SLC2A9: variants seen among roughly 807,000 people sequenced by gnomAD.
SLC2A9 encodes the protein solute carrier family 2, facilitated glucose transporter member 9.
SLC2A9 carries 39 observed loss-of-function variants against 50.6 expected under a neutral mutation model. That is an observed-to-expected ratio of 0.77 (90% CI 0.60 to 1.01). SLC2A9 has a LOEUF of 1.01. Ranked by LOEUF, SLC2A9 falls within the 50% of genes least tolerant of loss-of-function variation. The pLI is 0.00. For missense variants in SLC2A9, 686 were observed against 677.6 expected (o/e 1.01, Z -0.14); for synonymous variants, 324 against 276.9 (o/e 1.17, Z -1.69).
At chr4:9,784,157 A>AGG in intron 3 of SLC2A9, 1 of 153,914 alleles carries the variant, frequency 6.5e-6, no homozygotes, top group Non-Finnish European at 1.5e-5. Flanking sequence ...TTAAAGATAC[A>AGG]CCAGGGCAAA....
At chr4:9,994,405 C>G (rs750368921) in intron 3 of SLC2A9, among the ~76,000 whole-genome samples, 26 of 152,160 alleles carry the variant, frequency 1.7e-4, no homozygotes, top group Admixed American at 6.5e-5. Flanking sequence ...AACTTTTACT[C>G]TCATAATGAT....
At chr4:9,856,563 G>A (rs772726204) in intron 10 of SLC2A9, among the ~76,000 whole-genome samples, 6 of 152,092 alleles carry the variant, frequency 3.9e-5, no homozygotes, top group African/African-American at 7.2e-5. Context: ...GCAATTTCTC[G>A]AAGAACTTAA....
intron 3 of SLC2A9, among the ~76,000 whole-genome samples, chr4:9,988,857 G>A (rs1757190831): frequency 6.6e-6 from 1 of 152,230 alleles, no homozygotes; most frequent in Non-Finnish European, 1.5e-5. Context: ...TGGACAAGAG[G>A]TCAGAGAAAG....
chr4:9,925,271 C>T (rs1320087810), intron 6 of SLC2A9, among the ~76,000 whole-genome samples: 2 of 152,242 alleles, frequency 1.3e-5, no homozygotes, highest in Non-Finnish European at 2.9e-5. Context: ...GAGACCTTCC[C>T]TGCCCCCATG....
intron 3 of SLC2A9, among the ~76,000 whole-genome samples, chr4:9,810,729 A>C (rs1722769230): frequency 6.6e-6 from 1 of 152,254 alleles, no homozygotes; most frequent in Admixed American, 6.5e-5. Flanking sequence ...AACTGACATA[A>C]GTATTTGCCA....
intron 6 of SLC2A9, among the ~76,000 whole-genome samples, chr4:9,923,324 G>A (rs150542949): frequency 6.6e-6 from 1 of 152,306 alleles, no homozygotes; most frequent in Non-Finnish European, 1.5e-5. Flanking sequence ...AGTGAGTTTA[G>A]GTGCACAGGT....
intron 2 of SLC2A9, among the ~76,000 whole-genome samples, chr4:10,003,226 G>T (rs1193362633): frequency 6.6e-6 from 1 of 152,216 alleles, no homozygotes; most frequent in Non-Finnish European, 1.5e-5. Context: ...TCAAGCAATT[G>T]CAGCTGTCTT....
At chr4:9,956,194 G>C (rs1329067673) in intron 5 of SLC2A9, among the ~76,000 whole-genome samples, 2 of 150,152 alleles carry the variant, frequency 1.3e-5, no homozygotes, top group Admixed American at 6.6e-5. Context: ...TTTTTAAAAA[G>C]TATCATCGGC....
At chr4:10,003,821 A>G (rs936553515) in intron 2 of SLC2A9, among the ~76,000 whole-genome samples, 1 of 152,232 alleles carries the variant, frequency 6.6e-6, no homozygotes, top group African/African-American at 2.4e-5. Flanking sequence ...GTAACCATAT[A>G]ATAATAAAAC....
chr4:10,025,768 G>T, upstream of SLC2A9: 1 of 766,050 alleles, frequency 1.3e-6, no homozygotes, highest in Non-Finnish European at 2.2e-6. Context: ...ATAGAACTTG[G>T]CTTTCAGCTG....
downstream of SLC2A9, among the ~76,000 whole-genome samples, chr4:9,776,148 C>A (rs1349616649): frequency 3.3e-5 from 5 of 151,850 alleles, no homozygotes; most frequent in Non-Finnish European, 2.9e-5. Context: ...AAGACTGATG[C>A]CCAAGTCAGA....
chr4:9,958,622 G>A (rs974547350), intron 5 of SLC2A9, among the ~76,000 whole-genome samples: 8 of 152,054 alleles, frequency 5.3e-5, no homozygotes, highest in Non-Finnish European at 8.8e-5. Flanking sequence ...CACATGTATC[G>A]CAGAACTTAA....
At chr4:9,792,085 C>T (rs1410138699) in intron 3 of SLC2A9, among the ~76,000 whole-genome samples, 5 of 151,222 alleles carry the variant, frequency 3.3e-5, no homozygotes, top group African/African-American at 4.9e-5. Context: ...ATATGAATCA[C>T]TACTGTTTGA....
At chr4:9,984,229 C>G (rs1330017557) in intron 4 of SLC2A9, among the ~76,000 whole-genome samples, 2 of 152,192 alleles carry the variant, frequency 1.3e-5, no homozygotes, top group Admixed American at 1.3e-4. Flanking sequence ...GTAAGTGAAG[C>G]CTCCTCTTCT....
At chr4:9,839,995 A>C (rs370050278) in intron 10 of SLC2A9, among the ~76,000 whole-genome samples, 51 of 152,274 alleles carry the variant, frequency 3.3e-4, no homozygotes, top group Middle Eastern at 3.4e-3. Context: ...TTAAAAAAGC[A>C]CTTTACATAT....
At chr4:9,907,831 T>A (rs562806244) in intron 8 of SLC2A9, among the ~76,000 whole-genome samples, 4 of 152,342 alleles carry the variant, frequency 2.6e-5, no homozygotes, top group African/African-American at 9.6e-5. Flanking sequence ...ATTCTCTAGA[T>A]GGGTAAAATG....
chr4:9,944,147 T>C lies in SLC2A9; in HGVS notation c.682-2102A>G, dbSNP rs1748693738. Among the ~76,000 whole-genome samples the C allele has an allele frequency of 1.3e-5, 2 of 152,104 alleles. 1 individual carries two copies. Among genetic ancestry groups the C allele is most frequent in the Non-Finnish European group, 2.9e-5 (2 of 68,020 alleles). On this transcript the variant is annotated intron_variant, in intron 5 of 11. Transcript: ENST00000264784. ...AGAGGCATGATCCACCCAGGCTCATTGGGGAACAACAACTGTAGTGGAAAC... is the reference window on the plus strand; with the variant it reads ...AGAGGCATGATCCACCCAGGCTCATCGGGGAACAACAACTGTAGTGGAAAC...
chr4:9,859,390 G>T (rs1239492090), intron 10 of SLC2A9, among the ~76,000 whole-genome samples: 1 of 152,184 alleles, frequency 6.6e-6, no homozygotes, highest in Non-Finnish European at 1.5e-5. Context: ...ATATTGACTG[G>T]TAAGACTCTT....
upstream of SLC2A9, among the ~76,000 whole-genome samples, chr4:10,021,882 C>T (rs897329519): frequency 2.6e-5 from 4 of 151,424 alleles, no homozygotes; most frequent in African/African-American, 4.9e-5. Context: ...CTCTGTTGCC[C>T]GGGCTGGAGT....
Sources: allele counts gnomAD v4.1 joint callset (sites outside exome capture counted in the v4.1 genomes callset), GRCh38; gene constraint gnomAD v4.1.1; transcripts MANE v1.5; gene names NCBI Gene and HGNC (gene_info 2026-07-23, HGNC 2026-07-21).